SYCP2: variants seen among roughly 807,000 people sequenced by gnomAD.
SYCP2 encodes the protein synaptonemal complex protein 2, also known as synaptonemal complex lateral element protein.
SYCP2 carries 55 observed loss-of-function variants against 211.3 expected under a neutral mutation model. The ratio of observed to expected loss-of-function variants is 0.26; its 90% CI spans 0.21 to 0.33. The LOEUF (loss-of-function observed/expected upper bound fraction) is 0.33, where lower values mean the gene tolerates loss of function less well. SYCP2 is among the 10% of genes least tolerant of loss of function. The pLI, the probability that SYCP2 is intolerant of heterozygous loss-of-function variation, is 1.00. For missense variants in SYCP2, 1,731 were observed against 1,752.0 expected, an observed-to-expected ratio of 0.99 and a Z score of 0.21; for synonymous variants, 570 against 555.2, an observed-to-expected ratio of 1.03 and a Z score of -0.37.
At chr20:59,903,403 A>G (rs957857327) in intron 15 of SYCP2, among the ~76,000 whole-genome samples, 8 of 152,122 alleles carry the variant, frequency 5.3e-5, no homozygotes, top group Non-Finnish European at 1.2e-4. Context: ...TGGGGAGAAA[A>G]AGATAGCTTC....
At position 59,865,847 on chromosome 20, in the gene SYCP2, A is replaced by T. The variant is rs773412963; in HGVS notation, c.4339T>A (p.Phe1447Ile). Residue 1447 changes from phenylalanine to isoleucine, a missense_variant, in exon 42 of 45, where the codon TTT (phenylalanine) becomes ATT (isoleucine). Coordinates refer to ENST00000357552, the MANE Select transcript of SYCP2 (RefSeq NM_014258.4). ...KEFVDFWEKI[F>I]QKFSAYQKSE... The stretch of plus-strand genomic sequence containing the variant: ...TTTTGATATGCACTGAACTTCTGAA[A>T]TATCTTTTCCCAAAAGTCCTAAATT... 4.9e-6 allele frequency: 7 copies of T among 1,429,514 alleles called. No individual in the cohort carries two copies. The South Asian group carries it at 1.2e-4, about 24-fold the overall frequency. 88.6% of individuals were successfully genotyped at this position (1,429,514 alleles called of 1,614,324 possible).
At chr20:59,925,275 A>T (rs533619004) in intron 2 of SYCP2, among the ~76,000 whole-genome samples, 1 of 152,138 alleles carries the variant, frequency 6.6e-6, no homozygotes, top group Admixed American at 6.6e-5. Flanking sequence ...TTTAATACTT[A>T]CAGGTTGATA....
Position 59,901,773 on chromosome 20 carries a change from T to C in SYCP2, c.1071A>G (p.Lys357=), listed in dbSNP as rs763706891. 1 of 1,604,250 alleles carries C rather than the reference T, an allele frequency of 6.2e-7. No individual in the cohort carries two copies. The highest frequency in any genetic ancestry group is 8.5e-7 in the Non-Finnish European group (1 of 1,175,320). ...CTCTTTTGCTAATTTTTACTGTATT[T>C]TTCAGAATTATTGTCAGTAGCTTCT... The part of the protein sequence containing the change: ...ESKKLLTIIL[K]NTVKISKREG... Residue 357 remains lysine, a synonymous_variant, in exon 16 of 45, where the codon AAA becomes AAG. Transcript: ENST00000357552.
chr20:59,894,731 C>T lies in SYCP2; in HGVS notation c.1665+706G>A, dbSNP rs186529067. 6.6e-5 allele frequency among the ~76,000 whole-genome samples: 10 copies of T among 152,124 alleles called. No individual in the cohort carries two copies. The East Asian group carries it at 1.2e-3, about 18-fold the overall frequency. On this transcript the variant is annotated intron_variant, in intron 20 of 44. Coordinates refer to ENST00000357552, the MANE Select transcript of SYCP2 (RefSeq NM_014258.4). ...CAGATCTCCAGGAGAAACTCACCAT[C>T]TTCACACTTCAGAAAAAACAAAAGC...
At chr20:59,932,348 G>A (rs866070556) in intron 1 of SYCP2, among the ~76,000 whole-genome samples, 194 bp from the exon 2 acceptor site, 1 of 152,116 alleles carries the variant, frequency 6.6e-6, no homozygotes, top group Non-Finnish European at 1.5e-5. Context: ...GGTGAATGAA[G>A]GGGAGGGAAG....
rs144940024 is a variant in SYCP2, at chr20:59,909,604, A to T, written c.972+2146T>A. Among the ~76,000 whole-genome samples, 266 of 152,290 alleles carry T rather than the reference A, an allele frequency of 1.7e-3. 1 individual carries two copies. Among genetic ancestry groups the T allele is most frequent in the African/African-American group, 6.1e-3 (252 of 41,568 alleles). On this transcript the variant is annotated intron_variant, in intron 14 of 44. Coordinates refer to ENST00000357552, the MANE Select transcript of SYCP2 (RefSeq NM_014258.4). ...GACACATAGTTCTCAATAGATATTCATTGAACTGATGTTACCTCCTACTTA... is the reference window on the plus strand; with the variant it reads ...GACACATAGTTCTCAATAGATATTCTTTGAACTGATGTTACCTCCTACTTA...
At chr20:59,912,349 T>C (rs1471697627) in intron 13 of SYCP2, 24 bp downstream of exon 13, 1 of 900,856 alleles carries the variant, frequency 1.1e-6, no homozygotes, top group Non-Finnish European at 1.7e-6. Flanking sequence ...ATAACTAAAA[T>C]AATGTGTTAA....
In SYCP2 at chr20:59,869,955, G is replaced by A; in HGVS notation, c.3584C>T (p.Thr1195Ile). 1 of 1,600,310 alleles carries A rather than the reference G, an allele frequency of 6.2e-7. No homozygotes were observed. ...ACTTATTTTTTTTCTATTTACAATAGTATTACTCTTAGTTGGAGTATGTCT... is the reference window on the plus strand; with the variant it reads ...ACTTATTTTTTTTCTATTTACAATAATATTACTCTTAGTTGGAGTATGTCT... ...LPRHTPTKSN[T>I]IVNRKKISSL... Residue 1195 changes from threonine (T) to isoleucine (I), a missense_variant, in exon 36 of 45, where the codon ACT becomes ATT. Around this residue, in one of 3 missense-constraint regions of SYCP2, gnomAD observed 1,387 missense variants for 1,351.3 expected, o/e 1.03. Coordinates refer to ENST00000357552, the MANE Select transcript of SYCP2 (RefSeq NM_014258.4).
At chr20:59,910,564 A>G (rs531702148) in intron 14 of SYCP2, among the ~76,000 whole-genome samples, 7 of 151,576 alleles carry the variant, frequency 4.6e-5, no homozygotes, top group Admixed American at 2.6e-4. Flanking sequence ...TATTTTTAGT[A>G]GAGGCGGGGT....
intron 24 of SYCP2, among the ~76,000 whole-genome samples, chr20:59,890,525 T>A (rs2059885018): frequency 6.6e-6 from 1 of 152,086 alleles, no homozygotes; most frequent in African/African-American, 2.4e-5. Context: ...TCTGCACATG[T>A]ACCCCAGAAC....
At chr20:59,908,997 T>C (rs2060266361) in intron 14 of SYCP2, among the ~76,000 whole-genome samples, 1 of 152,218 alleles carries the variant, frequency 6.6e-6, no homozygotes, top group Non-Finnish European at 1.5e-5. Flanking sequence ...AACTGCTCTT[T>C]CATGGGTTAC....
intron 16 of SYCP2, 142 bp downstream of exon 16, chr20:59,901,520 G>C: frequency 2.0e-6 from 1 of 493,852 alleles, no homozygotes; most frequent in Non-Finnish European, 3.5e-6. Flanking sequence ...ACAAGCTGAT[G>C]ACTCTTCAAC....
At chr20:59,898,159 G>A (rs1046621092) in intron 18 of SYCP2, among the ~76,000 whole-genome samples, 1 of 152,084 alleles carries the variant, frequency 6.6e-6, no homozygotes. Context: ...AGACAGTGTG[G>A]TGATTCCTCA....
At chr20:59,893,483 T>G in intron 21 of SYCP2, 41 bp downstream of exon 21, 1 of 1,340,060 alleles carries the variant, frequency 7.5e-7, no homozygotes, top group Non-Finnish European at 1.1e-6. Flanking sequence ...GTATATACAT[T>G]TTCTTAAAAA....
At chr20:59,914,373 AATCT>A (rs1255025208) in intron 10 of SYCP2, 122 bp from the exon 11 acceptor site, 1 of 487,058 alleles carries the variant, frequency 2.1e-6, no homozygotes, top group Non-Finnish European at 3.5e-6. Flanking sequence ...GTAATTGATT[AATCT>A]ATTAATATTT....
intron 2 of SYCP2, among the ~76,000 whole-genome samples, chr20:59,926,226 T>C (rs918387412): frequency 1.2e-4 from 18 of 152,082 alleles, no homozygotes; most frequent in African/African-American, 4.3e-4. Context: ...GGACTCTCAC[T>C]GTATTAATTT....
At chr20:59,868,338 T>C (rs1217643022) in intron 38 of SYCP2, 75 bp downstream of exon 38, 8 of 1,489,686 alleles carry the variant, frequency 5.4e-6, no homozygotes, top group Non-Finnish European at 6.3e-6. Context: ...ATTTGTTTTG[T>C]AAATAGACTC....
chr20:59,895,318 A>G (rs2059986334), intron 20 of SYCP2, 119 bp downstream of exon 20: 1 of 785,110 alleles, frequency 1.3e-6, no homozygotes, highest in East Asian at 3.0e-5. Context: ...ATTTAGGGGA[A>G]AAAAGGTAAT....
In SYCP2 at chr20:59,869,787, C is replaced by A; in HGVS notation, c.3741+11G>T. The A allele has an allele frequency of 6.4e-7, 1 of 1,563,990 alleles. No homozygotes were observed. The highest frequency in any genetic ancestry group is 8.8e-7 in the Non-Finnish European group (1 of 1,140,736). ...GTAAGGAAAATTTATAAGTTATAGTCCCACACTTACCTCTCTTTTGCTTTG... is the reference window on the plus strand; with the variant it reads ...GTAAGGAAAATTTATAAGTTATAGTACCACACTTACCTCTCTTTTGCTTTG... On this transcript the variant is annotated intron_variant, in intron 36 of 44. Coordinates refer to ENST00000357552, the MANE Select transcript of SYCP2 (RefSeq NM_014258.4).
Sources: gnomAD v4.1 joint callset for allele counts (sites outside exome capture counted in the v4.1 genomes callset) on GRCh38, gnomAD v4.1.1 for gene constraint, gnomAD v4.1.1 regional missense constraint, MANE v1.5 for transcripts, NCBI Gene and HGNC (gene_info 2026-07-23, HGNC 2026-07-21) for gene names.